The following SIK3 variants were observed in gnomAD, a reference collection of about 807,000 sequenced individuals.
SIK3 encodes SIK family kinase 3, also known as serine/threonine-protein kinase SIK3.
In SIK3, 28 loss-of-function variants were observed where a neutral mutation model predicts 144.2. The ratio of observed to expected loss-of-function variants is 0.19; its 90% CI spans 0.14 to 0.27. SIK3 has a LOEUF of 0.27. Ranked by LOEUF, SIK3 falls within the 10% of genes least tolerant of loss-of-function variation. The pLI, the probability that SIK3 is intolerant of heterozygous loss-of-function variation, is 1.00. For synonymous variants in SIK3, 686 were observed against 676.3 expected (o/e 1.01, Z -0.22); for missense variants, 1,319 against 1,776.0 (o/e 0.74, Z 4.62).
At chr11:116,863,975 T>C in intron 15 of SIK3, 157 bp from the exon 16 acceptor site, 1 of 684,590 alleles carries the variant, frequency 1.5e-6, no homozygotes, top group Non-Finnish European at 2.4e-6. Flanking sequence ...ATCAGTCGTT[T>C]CCCTAGCCTG....
chr11:116,932,469 A>G (rs1482228938), intron 3 of SIK3, among the ~76,000 whole-genome samples: 2 of 149,478 alleles, frequency 1.3e-5, no homozygotes, highest in African/African-American at 4.9e-5. Flanking sequence ...AGATTTGTGG[A>G]ACAACAACTG....
At chr11:116,926,615 T>C (rs1232569293) in intron 4 of SIK3, among the ~76,000 whole-genome samples, 1 of 152,244 alleles carries the variant, frequency 6.6e-6, no homozygotes, top group East Asian at 1.9e-4. Flanking sequence ...CTTTCCACTT[T>C]ATTACATATT....
At chr11:117,073,458 T>G (rs1262332511) in intron 1 of SIK3, among the ~76,000 whole-genome samples, 1 of 152,214 alleles carries the variant, frequency 6.6e-6, no homozygotes, top group Non-Finnish European at 1.5e-5. Context: ...ATAGACCTAC[T>G]TATAAATCTC....
At chr11:116,922,904 TCTC>T (rs374749810) in intron 4 of SIK3, among the ~76,000 whole-genome samples, 34 of 130,448 alleles carry the variant, frequency 2.6e-4, no homozygotes, top group Non-Finnish European at 3.0e-4. Context: ...CCTTTTCTTT[TCTC>T]TTTTTTTTTT....
At chr11:117,057,501 C>G (rs1213159714) in intron 1 of SIK3, among the ~76,000 whole-genome samples, 5 of 152,168 alleles carry the variant, frequency 3.3e-5, no homozygotes, top group Non-Finnish European at 2.9e-5. Context: ...GTGATTCATT[C>G]AATAGGAACA....
chr11:117,057,003 A>G (rs1565601890), intron 1 of SIK3, among the ~76,000 whole-genome samples: 1 of 152,244 alleles, frequency 6.6e-6, no homozygotes, highest in Non-Finnish European at 1.5e-5. Context: ...CCATTTCTTT[A>G]GAGATAATTG....
intron 21 of SIK3, among the ~76,000 whole-genome samples, chr11:116,855,082 C>CAAAAAA (rs1942776835): frequency 1.3e-4 from 4 of 30,516 alleles, no homozygotes; most frequent in African/African-American, 1.1e-3. Flanking sequence ...TGAGACTCTG[C>CAAAAAA]CAAAAAAAAA....
chr11:116,891,597 G>A (rs1050209644), intron 6 of SIK3, among the ~76,000 whole-genome samples: 1 of 152,032 alleles, frequency 6.6e-6, no homozygotes, highest in Non-Finnish European at 1.5e-5. Context: ...TACCTTAGAG[G>A]CAATGGTAAA....
chr11:117,044,376 T>C (rs1952867116), intron 1 of SIK3, among the ~76,000 whole-genome samples: 1 of 152,228 alleles, frequency 6.6e-6, no homozygotes, highest in African/African-American at 2.4e-5. Flanking sequence ...ATAGTATCTC[T>C]AAACTATAAT....
intron 1 of SIK3, among the ~76,000 whole-genome samples, chr11:116,980,723 C>T (rs968026341): frequency 5.5e-4 from 83 of 152,042 alleles, no homozygotes; most frequent in African/African-American, 2.0e-3. Context: ...ATAGTGGTGC[C>T]TGCCTGTATT....
chr11:117,020,639 A>G (rs550774681), intron 1 of SIK3, among the ~76,000 whole-genome samples: 4 of 152,250 alleles, frequency 2.6e-5, no homozygotes, highest in Non-Finnish European at 5.9e-5. Context: ...AGCCTCCATA[A>G]AAACCTAAAA....
intron 1 of SIK3, among the ~76,000 whole-genome samples, chr11:116,992,785 A>G (rs1043169395): frequency 6.6e-6 from 1 of 152,112 alleles, no homozygotes; most frequent in African/African-American, 2.4e-5. Context: ...AAAGTTCAAG[A>G]CCAGCCTAGG....
At chr11:116,965,612 A>G (rs976682452) in intron 1 of SIK3, among the ~76,000 whole-genome samples, 11 of 132,816 alleles carry the variant, frequency 8.3e-5, no homozygotes, top group Admixed American at 5.5e-4. Context: ...GAGAGGGAAG[A>G]GGCCAGGTGC....
intron 4 of SIK3, among the ~76,000 whole-genome samples, chr11:116,900,511 A>G (rs1382638242): frequency 1.3e-5 from 2 of 152,206 alleles, no homozygotes; most frequent in Non-Finnish European, 2.9e-5. Context: ...TTCTACTTAC[A>G]GAAGAGTCTT....
intron 1 of SIK3, among the ~76,000 whole-genome samples, chr11:117,012,291 A>G (rs1332301164): frequency 1.3e-5 from 2 of 152,134 alleles, no homozygotes; most frequent in African/African-American, 4.8e-5. Context: ...ACTTTTTAGA[A>G]AAGTTTTTTT....
rs867127145 is a variant in SIK3, at chr11:116,893,420, T to C, written c.865+2833A>G. 3.3e-5 allele frequency among the ~76,000 whole-genome samples: 5 copies of C among 152,072 alleles called. No homozygotes were observed. In the South Asian group the frequency reaches 6.3e-4, roughly 19 times the overall value. On this transcript the variant is annotated intron_variant, in intron 6 of 24. Transcript: ENST00000445177. ...GACAGGGCACAGTAGCTCACACCAA[T>C]AGTCCCAGCACTTTGGGAGGCCAAG... is the stretch of plus-strand genomic sequence containing the variant.
chr11:117,003,105 C>T (rs562933001), intron 1 of SIK3, among the ~76,000 whole-genome samples: 1 of 152,320 alleles, frequency 6.6e-6, no homozygotes, highest in South Asian at 2.1e-4. Flanking sequence ...TGAGAGAGAA[C>T]AGTGTGCCTA....
rs1286559593 is a variant in SIK3, at chr11:116,844,587, T to C, written c.*1056A>G. ...AGAGGCTGAAAGAGGAGAGCATATA[T>C]ATATATATTTTATATATATATTATA... is the stretch of plus-strand genomic sequence containing the variant. On this transcript the variant is annotated 3_prime_UTR_variant, in exon 25 of 25. Coordinates refer to ENST00000445177, the MANE Select transcript of SIK3 (RefSeq NM_001366686.3). The C allele has an allele frequency of 1.9e-4, 21 of 110,902 alleles. No homozygotes were observed. Among genetic ancestry groups the C allele is most frequent in the Non-Finnish European group, 3.5e-4 (19 of 53,726 alleles). 6.9% of individuals were successfully genotyped at this position (110,902 alleles called of 1,614,324 possible). A position where few individuals can be genotyped will look rare whatever the true frequency, so the allele number is the denominator to read the frequency against.
At chr11:116,961,727 A>G (rs1949354543) in intron 1 of SIK3, among the ~76,000 whole-genome samples, 1 of 152,172 alleles carries the variant, frequency 6.6e-6, no homozygotes, top group Non-Finnish European at 1.5e-5. Flanking sequence ...TTATCTTCCA[A>G]AGAGCATGAT....
Sources: allele counts gnomAD v4.1 joint callset (sites outside exome capture counted in the v4.1 genomes callset), GRCh38; gene constraint gnomAD v4.1.1; transcripts MANE v1.5; gene names NCBI Gene and HGNC (gene_info 2026-07-23, HGNC 2026-07-21).